S100A8: variants seen among roughly 807,000 people sequenced by gnomAD.
S100A8 encodes the protein S100 calcium binding protein A8, also known as protein S100-A8.
In S100A8, 1 loss-of-function variant was observed where a neutral mutation model predicts 4.2. The ratio of observed to expected loss-of-function variants is 0.24; its 90% CI spans 0.08 to 1.12. The LOEUF (loss-of-function observed/expected upper bound fraction) is 1.12. Among genes scored for constraint, S100A8 ranks in the 50% most tolerant of loss-of-function variants. The pLI is 0.53. For synonymous variants in S100A8, 41 were observed against 44.7 expected, an observed-to-expected ratio of 0.92 and a Z score of 0.33; for missense variants, 96 against 111.8, an observed-to-expected ratio of 0.86 and a Z score of 0.64.
Position 153,390,125 on chromosome 1 carries a change from T to G in S100A8, c.260A>C (p.His87Pro). The G allele has an allele frequency of 2.5e-6, 4 of 1,613,996 alleles. No individual in the cohort carries two copies. Among genetic ancestry groups the G allele is most frequent in the Non-Finnish European group, 3.4e-6 (4 of 1,179,944 alleles). ...KMGVAAHKKS[H>P]EESHKE ...CAGCTACTCTTTGTGGCTTTCTTCATGGCTTTTTTTGTGGGCTGCCACGCC... is the reference window on the plus strand; with the variant it reads ...CAGCTACTCTTTGTGGCTTTCTTCAGGGCTTTTTTTGTGGGCTGCCACGCC... Residue 87 changes from histidine to proline, a missense_variant, in exon 3 of 3, where the codon CAT becomes CCT. His to Pro is a moderately conservative substitution (Grantham distance 77). Transcript: ENST00000368733.
upstream of S100A8, among the ~76,000 whole-genome samples, chr1:153,395,281 G>A (rs1229238757): frequency 6.6e-6 from 1 of 152,088 alleles, no homozygotes; most frequent in Non-Finnish European, 1.5e-5. Flanking sequence ...CTTAACATGT[G>A]TCTGTGGTTC....
At chr1:153,409,794 G>A in the S100A8 span, among the ~76,000 whole-genome samples, 1 of 152,184 alleles carries the variant, frequency 6.6e-6, no homozygotes, top group African/African-American at 2.4e-5. Context: ...AGACCACAGT[G>A]CAATCAAACT....
At chr1:153,410,163 A>C in the S100A8 span, among the ~76,000 whole-genome samples, 1 of 152,278 alleles carries the variant, frequency 6.6e-6, no homozygotes, top group East Asian at 1.9e-4. Flanking sequence ...GACACAAAAA[A>C]CCCTTCAAAA....
the S100A8 span, among the ~76,000 whole-genome samples, chr1:153,403,625 T>A: frequency 6.6e-6 from 1 of 152,094 alleles, no homozygotes; most frequent in Non-Finnish European, 1.5e-5. Context: ...CTTTCCCAGC[T>A]GTTTTATGAT....
chr1:153,418,129 T>C, the S100A8 span: 1 of 1,614,148 alleles, frequency 6.2e-7, no homozygotes, highest in Non-Finnish European at 8.5e-7. Flanking sequence ...ATGATCGACA[T>C]GTTTCACAAA....
At chr1:153,412,396 G>T in the S100A8 span, among the ~76,000 whole-genome samples, 1 of 152,154 alleles carries the variant, frequency 6.6e-6, no homozygotes, top group Non-Finnish European at 1.5e-5. Context: ...CTCATCACTG[G>T]CCATCAGAGA....
Position 153,391,070 on chromosome 1 carries a change from A to G in S100A8, c.-52T>C. On this transcript the variant is annotated 5_prime_UTR_variant, in exon 1 of 3. Transcript: ENST00000368733. ...TCTTCTGAAAGACAGCTGACAAGAGACATGCAGGGCTGAGAGGCAGCTCCT... is the reference window on the plus strand; with the variant it reads ...TCTTCTGAAAGACAGCTGACAAGAGGCATGCAGGGCTGAGAGGCAGCTCCT... 1 of 986,488 alleles carries G rather than the reference A, an allele frequency of 1.0e-6. No individual in the cohort carries two copies. The highest frequency in any genetic ancestry group is 1.2e-6 in the Non-Finnish European group (1 of 830,472). 61.1% of individuals were successfully genotyped at this position (986,488 alleles called of 1,614,324 possible).
In S100A8 at chr1:153,390,160, C is replaced by T. The variant is rs1378758264; in HGVS notation, c.225G>A (p.Val75=). The change falls in exon 3 of 3, where the codon GTG becomes GTA. Residue 75 remains valine, a synonymous_variant. Coordinates refer to ENST00000368733, the MANE Select transcript of S100A8 (RefSeq NM_002964.5). The part of the protein sequence containing the change: ...AVNFQEFLIL[V]IKMGVAAHKK... ...TGTGGGCTGCCACGCCCATCTTTAT[C>T]ACCAGAATGAGGAACTCCTGGAAGT... is the stretch of plus-strand genomic sequence containing the variant. 1.2e-6 allele frequency: 2 copies of T among 1,614,144 alleles called. No homozygotes were observed. The highest frequency in any genetic ancestry group is 1.7e-5 in the Admixed American group (1 of 60,018).
the S100A8 span, chr1:153,417,841 T>C: frequency 1.2e-5 from 6 of 498,854 alleles, no homozygotes; most frequent in South Asian, 1.3e-4. Flanking sequence ...ACTTCTGCCA[T>C]CCACCTGCAT....
chr1:153,406,306 G>A, the S100A8 span, among the ~76,000 whole-genome samples: 1 of 152,150 alleles, frequency 6.6e-6, no homozygotes, highest in African/African-American at 2.4e-5. Context: ...CATATGTGTG[G>A]CCAGGGCTGT....
the S100A8 span, chr1:153,422,505 T>G: frequency 1.0e-6 from 1 of 984,910 alleles, no homozygotes; most frequent in Non-Finnish European, 1.2e-6. Flanking sequence ...GACAGCTCTA[T>G]GCCCACACTC....
chr1:153,420,171 G>A, the S100A8 span: 1 of 152,196 alleles, frequency 6.6e-6, no homozygotes, highest in Non-Finnish European at 1.5e-5. Context: ...ATGAGAAATT[G>A]CAGCACCTCT....
Position 153,390,250 on chromosome 1 carries a change from A to C in S100A8, c.142-7T>G, listed in dbSNP as rs1370580741. The C allele has an allele frequency of 3.1e-6, 5 of 1,607,086 alleles. No homozygotes were observed. The South Asian group carries it at 5.5e-5, about 18-fold the overall frequency. On this transcript the variant is annotated splice_region_variant and splice_polypyrimidine_tract_variant and intron_variant, in intron 2 of 2. Transcript: ENST00000368733. ...AGACGTCTGCACCCTTTTTCTGTCA[A>C]GATTGAGGAGGAAGAAGCCAGAGTT...
chr1:153,391,610 G>A (rs867072855), upstream of S100A8, among the ~76,000 whole-genome samples: 3 of 152,072 alleles, frequency 2.0e-5, no homozygotes, highest in Non-Finnish European at 2.9e-5. Flanking sequence ...TAAAACTATC[G>A]TTGTTGTTCT....
chr1:153,396,077 C>T, the S100A8 span, among the ~76,000 whole-genome samples: 2 of 152,226 alleles, frequency 1.3e-5, no homozygotes, highest in African/African-American at 4.8e-5. Context: ...CCTTCTCAGG[C>T]TGAACACTGC....
the S100A8 span, chr1:153,419,402 C>T: frequency 7.2e-7 from 1 of 1,381,678 alleles, no homozygotes. Context: ...TCTTTGGTGA[C>T]CTACATTGTC....
At chr1:153,414,385 G>A in the S100A8 span, among the ~76,000 whole-genome samples, 11 of 152,098 alleles carry the variant, frequency 7.2e-5, no homozygotes, top group African/African-American at 9.7e-5. Flanking sequence ...TATCCAAAAC[G>A]TACAAAGAAC....
At chr1:153,410,918 A>G in the S100A8 span, among the ~76,000 whole-genome samples, 2 of 152,234 alleles carry the variant, frequency 1.3e-5, no homozygotes, top group African/African-American at 4.8e-5. Flanking sequence ...GGCCTTTGAC[A>G]AAATTCAACA....
At chr1:153,399,963 G>A in the S100A8 span, among the ~76,000 whole-genome samples, 1 of 152,214 alleles carries the variant, frequency 6.6e-6, no homozygotes, top group Non-Finnish European at 1.5e-5. Flanking sequence ...AGAGGCAGGA[G>A]GGAGACAAGA....
Sources: gnomAD v4.1 joint callset for allele counts (sites outside exome capture counted in the v4.1 genomes callset) on GRCh38, gnomAD v4.1.1 for gene constraint, MANE v1.5 for transcripts, NCBI Gene and HGNC (gene_info 2026-07-23, HGNC 2026-07-21) for gene names.